The following NRG1 variants were observed in gnomAD, a reference collection of about 807,000 sequenced individuals.
The protein encoded by NRG1 is neuregulin 1.
In NRG1, 18 loss-of-function variants were observed where a neutral mutation model predicts 63.8. That is an observed-to-expected ratio of 0.28 (90% CI 0.19 to 0.42). NRG1 has a LOEUF of 0.42. NRG1 is among the 10% of genes least tolerant of loss of function. NRG1 has a pLI of 1.00. For synonymous variants in NRG1, 302 were observed against 301.3 expected (o/e 1.00, Z -0.02); for missense variants, 762 against 814.7 (o/e 0.94, Z 0.79).
intron 1 of NRG1, among the ~76,000 whole-genome samples, chr8:32,384,745 G>A (rs1206335425): frequency 1.6e-4 from 24 of 152,162 alleles, no homozygotes; most frequent in Admixed American, 1.6e-3. Flanking sequence ...TTACATTAGG[G>A]CTTGTTATAA....
chr8:32,236,732 G>C (rs1586288564), intron 1 of NRG1, among the ~76,000 whole-genome samples: 1 of 152,212 alleles, frequency 6.6e-6, no homozygotes, highest in African/African-American at 2.4e-5. Flanking sequence ...TGTGGTGCTT[G>C]AGAGGAGAAA....
intron 1 of NRG1, among the ~76,000 whole-genome samples, chr8:32,281,305 G>A (rs1368670209): frequency 6.7e-6 from 1 of 149,860 alleles, no homozygotes; most frequent in African/African-American, 2.5e-5. Context: ...AGCCTCCTGA[G>A]TAGTTGGGAT....
chr8:32,071,664 C>G (rs2131038751), intron 1 of NRG1, among the ~76,000 whole-genome samples: 1 of 152,260 alleles, frequency 6.6e-6, no homozygotes, highest in African/African-American at 2.4e-5. Flanking sequence ...GGTTTTCTTT[C>G]ATGATAACTA....
exon 12 of NRG1, chr8:32,764,078 A>C: frequency 1.2e-6 from 2 of 1,614,126 alleles, no homozygotes; most frequent in Admixed American, 1.7e-5. Flanking sequence ...AGTACGAGCC[A>C]GCCCAAGAGC....
chr8:31,741,417 G>A lies in NRG1; in HGVS notation c.37+101986G>A, dbSNP rs145472241. On this transcript the variant is annotated intron_variant, in intron 1 of 10. Transcript: ENST00000519301. Reference sequence around the variant, plus strand: ...AAATAAATGCATTAACTTTTTTCATGAAAACTAACAACAAAAAACCTGAGA... The same window carrying A: ...AAATAAATGCATTAACTTTTTTCATAAAAACTAACAACAAAAAACCTGAGA... Among the ~76,000 whole-genome samples, 9 of 151,820 alleles carry A rather than the reference G, an allele frequency of 5.9e-5. No homozygotes were observed. In the East Asian group the frequency reaches 1.6e-3, roughly 26 times the overall value.
chr8:32,066,463 G>A, intron 1 of NRG1, among the ~76,000 whole-genome samples: 1 of 152,076 alleles, frequency 6.6e-6, no homozygotes, highest in East Asian at 1.9e-4. Flanking sequence ...CCATTTTCTT[G>A]TTTTTCTCAG....
intron 1 of NRG1, among the ~76,000 whole-genome samples, chr8:32,086,726 A>G (rs1372271744): frequency 2.6e-5 from 4 of 152,172 alleles, no homozygotes; most frequent in Non-Finnish European, 5.9e-5. Context: ...CGGGTGACAT[A>G]TTGTTTACTG....
intron 5 of NRG1, chr8:32,648,370 C>G: frequency 6.2e-7 from 1 of 1,614,090 alleles, no homozygotes; most frequent in Non-Finnish European, 8.5e-7. Context: ...AATCTCCAAA[C>G]TGCTCCTAAA....
At chr8:31,903,815 C>A (rs1239425082) in intron 1 of NRG1, among the ~76,000 whole-genome samples, 1 of 151,834 alleles carries the variant, frequency 6.6e-6, no homozygotes, top group East Asian at 2.0e-4. Flanking sequence ...ATTAGCCAGG[C>A]GTGGTGATGT....
At chr8:32,220,734 G>A (rs987125832) in intron 1 of NRG1, among the ~76,000 whole-genome samples, 7 of 152,286 alleles carry the variant, frequency 4.6e-5, no homozygotes, top group African/African-American at 1.4e-4. Context: ...GAAACCCCCA[G>A]CAACGCCCCT....
chr8:32,095,086 A>AT (rs1332501209), intron 1 of NRG1, among the ~76,000 whole-genome samples: 1 of 151,922 alleles, frequency 6.6e-6, no homozygotes, highest in African/African-American at 2.4e-5. Flanking sequence ...TAATTTTTGT[A>AT]TTTTTAGTAG....
At chr8:32,400,057 C>T (rs1812966320) in intron 1 of NRG1, among the ~76,000 whole-genome samples, 1 of 152,174 alleles carries the variant, frequency 6.6e-6, no homozygotes, top group Admixed American at 6.5e-5. Flanking sequence ...GGTACCAATA[C>T]CAGTTTCTTG....
rs189688147 is a variant in NRG1 at position 32,491,455 on chromosome 8, G to A, written c.38-104373G>A. ...TGCTTACATATTTTAAGATGAGACT[G>A]GGAACAAGCAGATTAATTTGGTTGT... On this transcript the variant is annotated intron_variant, in intron 1 of 10. Transcript: ENST00000519301. Among the ~76,000 whole-genome samples the A allele has an allele frequency of 5.3e-5, 8 of 152,290 alleles. No individual in the cohort carries two copies. In the East Asian group the frequency reaches 1.2e-3, roughly 22 times the overall value.
chr8:32,691,258 G>T (rs1204956278), intron 5 of NRG1, among the ~76,000 whole-genome samples: 1 of 152,082 alleles, frequency 6.6e-6, no homozygotes, highest in Non-Finnish European at 1.5e-5. Flanking sequence ...TACTTGGGAG[G>T]CAGGAGAATC....
chr8:32,606,151 ATATGTATTATG>A, intron 3 of NRG1, among the ~76,000 whole-genome samples: 1 of 148,620 alleles, frequency 6.7e-6, no homozygotes, highest in South Asian at 2.1e-4. Flanking sequence ...TATGTATTAT[ATATGTATTATG>A]TATGTATTAT....
intron 1 of NRG1, among the ~76,000 whole-genome samples, chr8:32,363,350 G>C (rs1157147076): frequency 6.6e-6 from 1 of 152,166 alleles, no homozygotes; most frequent in Non-Finnish European, 1.5e-5. Flanking sequence ...GCATTGAAAT[G>C]CATCAGTCAG....
At chr8:31,879,959 T>C (rs751078249) in intron 1 of NRG1, among the ~76,000 whole-genome samples, 6 of 152,196 alleles carry the variant, frequency 3.9e-5, no homozygotes, top group Non-Finnish European at 5.9e-5. Flanking sequence ...CAGTCTATTA[T>C]TGATGGGCAT....
chr8:32,248,251 G>A (rs1848776348), intron 1 of NRG1, among the ~76,000 whole-genome samples: 1 of 151,996 alleles, frequency 6.6e-6, no homozygotes, highest in African/African-American at 2.4e-5. Context: ...AGTAACATCT[G>A]TTGCACAAAG....
intron 1 of NRG1, among the ~76,000 whole-genome samples, chr8:31,862,243 A>T (rs1465922724): frequency 1.3e-5 from 2 of 152,172 alleles, no homozygotes; most frequent in Non-Finnish European, 2.9e-5. Context: ...ACTTGTGTGT[A>T]TCAGGAGAAA....
Sources: allele counts gnomAD v4.1 joint callset (sites outside exome capture counted in the v4.1 genomes callset), GRCh38; gene constraint gnomAD v4.1.1; transcripts MANE v1.5; gene names NCBI Gene and HGNC (gene_info 2026-07-23, HGNC 2026-07-21).